Variants in SLC25A35 observed in about 807,000 individuals in gnomAD.
The protein encoded by SLC25A35 is solute carrier family 25, member 35.
In SLC25A35, 32 loss-of-function variants were observed where a neutral mutation model predicts 30.5. That is an observed-to-expected ratio of 1.05 (90% CI 0.79 to 1.41). The LOEUF is 1.41. SLC25A35 is among the 40% of genes most tolerant of loss of function. The pLI, the probability that SLC25A35 is intolerant of heterozygous loss-of-function variation, is 0.00. For synonymous variants in SLC25A35, 142 were observed against 158.1 expected (o/e 0.90, Z 0.77); for missense variants, 369 against 388.0 (o/e 0.95, Z 0.41).
At position 8,290,488 on chromosome 17, in the gene SLC25A35, G is replaced by T. The variant is rs1990397210; in HGVS notation, c.*17C>A. ...GGCCAAGGAGTGCTCATTTGGTGGA[G>T]ACTGGGAAAGCGGCTGTTATTTAGT... On this transcript the variant is annotated 3_prime_UTR_variant, in exon 5 of 5. Transcript: ENST00000577745. The T allele has an allele frequency of 6.5e-7, 1 of 1,534,926 alleles. No homozygotes were observed. Among genetic ancestry groups the T allele is most frequent in the Non-Finnish European group, 8.7e-7 (1 of 1,146,204 alleles).
At chr17:8,292,971 G>C (rs376998867) in intron 1 of SLC25A35, among the ~76,000 whole-genome samples, 1 of 152,106 alleles carries the variant, frequency 6.6e-6, no homozygotes, top group Non-Finnish European at 1.5e-5. Context: ...CTTCTATCAG[G>C]CTCCCCATCA....
At chr17:8,289,285 G>T, downstream of SLC25A35, 1 of 1,613,936 alleles carries the variant, frequency 6.2e-7, no homozygotes, top group Non-Finnish European at 8.5e-7. Flanking sequence ...TTGGTGGCGT[G>T]CAGGGGGCTA....
At chr17:8,293,315 C>T (rs1368075495) in intron 1 of SLC25A35, among the ~76,000 whole-genome samples, 2 of 152,108 alleles carry the variant, frequency 1.3e-5, no homozygotes, top group African/African-American at 4.8e-5. Context: ...GACTCTCTGA[C>T]GTATGTTAAA....
At position 8,294,665 on chromosome 17, in the gene SLC25A35, T is replaced by C. The variant is rs572169167; in HGVS notation, c.143A>G (p.His48Arg). The change falls in exon 1 of 5, where the codon CAT (histidine) becomes CGT (arginine). Residue 48 changes from histidine (H) to arginine (R), a missense_variant. Transcript: ENST00000577745. ...TYQRHYRNVF[H>R]AFITIGKVDG... ...CACCTTGCCGATGGTGATGAAGGCA[T>C]GGAAGACATTTCGGTAGTGCCGCTG... The C allele has an allele frequency of 3.4e-4, 549 of 1,614,152 alleles. 6 individuals carry two copies. In the South Asian group the frequency reaches 5.6e-3, roughly 17 times the overall value.
At position 8,290,529 on chromosome 17, in the gene SLC25A35, G is replaced by A. The variant is rs1380607817; in HGVS notation, c.879C>T (p.Ser293=). 3.9e-6 allele frequency: 6 copies of A among 1,535,944 alleles called. No individual in the cohort carries two copies. The Admixed American group carries it at 1.2e-4, about 30-fold the overall frequency. The part of the protein sequence containing the change: ...LSLFFWDQLR[S]LYYTDTK The stretch of plus-strand genomic sequence containing the variant: ...GTTATTTAGTGTCTGTGTAGTAGAG[G>A]GAGCGCAGCTGGTCCCAGAAGAAGA... The change falls in exon 5 of 5, where the codon TCC becomes TCT. Residue 293 remains serine, a synonymous_variant. Coordinates refer to ENST00000577745, the MANE Select transcript of SLC25A35 (RefSeq NM_001320870.2).
chr17:8,291,404 G>C lies in SLC25A35; in HGVS notation c.523C>G (p.Arg175Gly). The C allele has an allele frequency of 3.1e-6, 5 of 1,614,142 alleles. 1 individual carries two copies. The highest frequency in any genetic ancestry group is 4.2e-6 in the Non-Finnish European group (5 of 1,180,028). ...TGGGTGGAGGAACCGACGATAACTCGGGGCAGGCCGCCCAGAGCCCCACGC... is the reference window on the plus strand; with the variant it reads ...TGGGTGGAGGAACCGACGATAACTCCGGGCAGGCCGCCCAGAGCCCCACGC... The part of the protein sequence containing the change: ...LWRGALGGLP[R>G]VIVGSSTQLC... Residue 175 changes from arginine to glycine, a missense_variant, in exon 3 of 5, where the codon CGA becomes GGA. Coordinates refer to ENST00000577745, the MANE Select transcript of SLC25A35 (RefSeq NM_001320870.2).
downstream of SLC25A35, chr17:8,289,116 G>GGACCAGTGGGCGGGGCCC (rs2151609011): frequency 6.2e-7 from 1 of 1,604,820 alleles, no homozygotes; most frequent in South Asian, 1.1e-5. Flanking sequence ...GGGCGGGGTC[G>GGACCAGTGGGCGGGGCCC]GACCAGTGGG....
downstream of SLC25A35, chr17:8,289,287 AG>A: frequency 6.2e-7 from 1 of 1,613,904 alleles, no homozygotes; most frequent in Non-Finnish European, 8.5e-7. Context: ...GGTGGCGTGC[AG>A]GGGGCTAGGG....
chr17:8,288,284 CA>C (rs1990211008), downstream of SLC25A35: 1 of 182,556 alleles, frequency 5.5e-6, no homozygotes. Flanking sequence ...CCCATTTCTA[CA>C]AGTAATTAAA....
downstream of SLC25A35, chr17:8,288,620 C>T (rs111476121): frequency 0.022 from 17,373 of 775,368 alleles, 324 homozygotes; most frequent in African/African-American, 0.066. Context: ...AGGGTCTTGG[C>T]GCCGATTGGC....
chr17:8,294,458 G>A lies in SLC25A35; in HGVS notation c.350C>T (p.Ala117Val). ...CATGTAGATGGGGCTCCCCAAGTAG[G>A]CTCCCATGACCCCAGCCATGGCCCC... Reference protein sequence around the residue: ...AAGAMAGVMGAYLGSPIYMVK... With the variant: ...AAGAMAGVMGVYLGSPIYMVK... The change falls in exon 1 of 5, where the codon GCC becomes GTC. Residue 117 changes from alanine (A) to valine (V), a missense_variant. Transcript: ENST00000577745. 6.3e-7 allele frequency: 1 copy of A among 1,592,296 alleles called. No homozygotes were observed. The highest frequency in any genetic ancestry group is 8.6e-7 in the Non-Finnish European group (1 of 1,169,446).
intron 2 of SLC25A35, 34 bp from the exon 3 acceptor site, chr17:8,291,519 C>T: frequency 1.9e-6 from 3 of 1,579,956 alleles, no homozygotes; most frequent in Non-Finnish European, 8.6e-7. Flanking sequence ...GGGGTTCAGA[C>T]AGCCCAGCAT....
intron 2 of SLC25A35, among the ~76,000 whole-genome samples, chr17:8,291,966 A>C (rs940254008): frequency 1.3e-5 from 2 of 151,816 alleles, no homozygotes; most frequent in South Asian, 2.1e-4. Context: ...GGCGGATCAC[A>C]AGTTCAGGAG....
At chr17:8,288,716 G>A, downstream of SLC25A35, 1 of 1,546,146 alleles carries the variant, frequency 6.5e-7, no homozygotes, top group South Asian at 1.1e-5. Flanking sequence ...CGAAACCCAG[G>A]GAGCCGATGC....
chr17:8,290,816 G>C, intron 4 of SLC25A35, 26 bp downstream of exon 4: 2 of 1,608,878 alleles, frequency 1.2e-6, no homozygotes, highest in South Asian at 2.2e-5. Flanking sequence ...CCTGCTTCCC[G>C]CCTGCATCCC....
Position 8,294,600 on chromosome 17 carries a change from G to A in SLC25A35, c.208C>T (p.Leu70Phe), listed in dbSNP as rs1007550381. 1 of 1,614,212 alleles carries A rather than the reference G, an allele frequency of 6.2e-7. No homozygotes were observed. Among genetic ancestry groups the A allele is most frequent in the African/African-American group, 1.3e-5 (1 of 75,072 alleles). Reference protein sequence around the residue: ...AALQKGLAPALLYQFLMNGIR... With the variant: ...AALQKGLAPAFLYQFLMNGIR... ...CCATTCATCAGGAACTGGTACAAGA[G>A]GGCGGGGGCCAGGCCTTTCTGCAGG... is the stretch of plus-strand genomic sequence containing the variant. Residue 70 changes from leucine to phenylalanine, a missense_variant, in exon 1 of 5, where the codon CTC becomes TTC. Physicochemically the swap from Leu to Phe is conservative, Grantham distance 22. Coordinates refer to ENST00000577745, the MANE Select transcript of SLC25A35 (RefSeq NM_001320870.2).
At chr17:8,289,699 T>C, downstream of SLC25A35, 1 of 1,609,502 alleles carries the variant, frequency 6.2e-7, no homozygotes, top group Non-Finnish European at 8.5e-7. Flanking sequence ...GAAGCAGGAG[T>C]GGGCCAGAGG....
intron 1 of SLC25A35, 52 bp downstream of exon 1, chr17:8,294,381 T>G: frequency 1.3e-6 from 2 of 1,505,102 alleles, no homozygotes; most frequent in Non-Finnish European, 1.8e-6. Context: ...ACAGCTCCTA[T>G]CCTACAACGA....
intron 1 of SLC25A35, among the ~76,000 whole-genome samples, chr17:8,293,584 C>G (rs1185210959): frequency 1.4e-5 from 2 of 144,644 alleles, no homozygotes; most frequent in East Asian, 2.0e-4. Context: ...CGGAGTCTCT[C>G]TCTCTGGCCC....
Sources: gnomAD v4.1 joint callset for allele counts (sites outside exome capture counted in the v4.1 genomes callset) on GRCh38, gnomAD v4.1.1 for gene constraint, MANE v1.5 for transcripts, NCBI Gene and HGNC (gene_info 2026-07-23, HGNC 2026-07-21) for gene names.